Variants in PCDH15 observed in about 807,000 individuals in gnomAD.
PCDH15 encodes protocadherin-15.
PCDH15 carries 129 observed loss-of-function variants against 178.5 expected under a neutral mutation model. The ratio of observed to expected loss-of-function variants is 0.72; its 90% CI spans 0.63 to 0.84. The LOEUF is 0.84. Ranked by LOEUF, PCDH15 falls within the 40% of genes least tolerant of loss-of-function variation. The pLI, the probability that PCDH15 is intolerant of heterozygous loss-of-function variation, is 0.00. For synonymous variants in PCDH15, 800 were observed against 732.0 expected, an observed-to-expected ratio of 1.09 and a Z score of -1.50; for missense variants, 2,230 against 2,099.9, an observed-to-expected ratio of 1.06 and a Z score of -1.21.
chr10:54,250,089 T>G (rs192571446), intron 8 of PCDH15, among the ~76,000 whole-genome samples: 4,300 of 150,734 alleles, frequency 0.029, 74 homozygotes, highest in South Asian at 0.074. Context: ...TTTTTTTTTT[T>G]TGTATTATTG....
chr10:55,454,703 T>C (rs1839512644), intron 2 of PCDH15, among the ~76,000 whole-genome samples: 1 of 148,618 alleles, frequency 6.7e-6, no homozygotes. Flanking sequence ...GAGAACGGTA[T>C]GAACCCAGGA....
Position 54,269,136 on chromosome 10 carries a change from C to T in PCDH15, c.877-32205G>A, listed in dbSNP as rs531207485. 4.0e-4 allele frequency among the ~76,000 whole-genome samples: 61 copies of T among 151,874 alleles called. No individual in the cohort carries two copies. The South Asian group carries it at 0.012, about 29-fold the overall frequency. On this transcript the variant is annotated intron_variant, in intron 8 of 37. Transcript: ENST00000644397. ...TTTAATCTGGAGAATATATATGAAA[C>T]ATATTCAATTAATTCAAGTTGTTGT...
chr10:55,178,627 G>C (rs1839558725), intron 1 of PCDH15, among the ~76,000 whole-genome samples: 1 of 152,104 alleles, frequency 6.6e-6, no homozygotes, highest in African/African-American at 2.4e-5. Flanking sequence ...TATTATACTA[G>C]AGTAAAGGCC....
At chr10:55,542,610 T>C (rs546799092) in intron 2 of PCDH15, among the ~76,000 whole-genome samples, 59 of 147,982 alleles carry the variant, frequency 4.0e-4, no homozygotes, top group African/African-American at 1.4e-3. Context: ...TACAGACATA[T>C]GTATGTGTCT....
At chr10:54,495,765 C>T (rs1309174847) in intron 3 of PCDH15, among the ~76,000 whole-genome samples, 1 of 152,134 alleles carries the variant, frequency 6.6e-6, no homozygotes. Flanking sequence ...GTGTCCAAAA[C>T]TTTAGTTTTC....
chr10:55,593,200 G>A (rs1181043460), intron 2 of PCDH15, among the ~76,000 whole-genome samples: 2 of 151,974 alleles, frequency 1.3e-5, no homozygotes, highest in East Asian at 1.9e-4. Flanking sequence ...AAACTGGTAT[G>A]TTATTAAAGA....
Position 53,857,162 on chromosome 10 carries a change from C to T in PCDH15, c.3806+13G>A, listed in dbSNP as rs748886582. On this transcript the variant is annotated intron_variant, in intron 28 of 37. Transcript: ENST00000644397. ...ATATAAAAATAAATATATAAGGAGACAAAATCAATTACTCTGTAAGATCTT... is the reference window on the plus strand; with the variant it reads ...ATATAAAAATAAATATATAAGGAGATAAAATCAATTACTCTGTAAGATCTT... The T allele has an allele frequency of 6.5e-6, 10 of 1,549,148 alleles. No individual in the cohort carries two copies. The highest frequency in any genetic ancestry group is 8.0e-6 in the Non-Finnish European group (9 of 1,123,152).
intron 2 of PCDH15, among the ~76,000 whole-genome samples, chr10:55,333,113 T>C (rs1164405893): frequency 2.0e-5 from 3 of 152,174 alleles, no homozygotes; most frequent in Non-Finnish European, 2.9e-5. Context: ...ATGTGGTAAT[T>C]TGGAGTGTAT....
chr10:54,218,542 T>C (rs867010102), intron 9 of PCDH15, among the ~76,000 whole-genome samples: 5 of 151,138 alleles, frequency 3.3e-5, no homozygotes, highest in Non-Finnish European at 7.3e-5. Flanking sequence ...CCTCTCTCTC[T>C]GTCCAAGGGC....
intron 1 of PCDH15, among the ~76,000 whole-genome samples, chr10:54,687,962 C>T (rs2095044702): frequency 1.3e-5 from 2 of 151,940 alleles, no homozygotes; most frequent in African/African-American, 4.8e-5. Flanking sequence ...ATCTGCCAAA[C>T]AACATTATGT....
intron 2 of PCDH15, among the ~76,000 whole-genome samples, chr10:54,970,377 A>G (rs1050949509): frequency 1.3e-5 from 2 of 152,212 alleles, no homozygotes; most frequent in African/African-American, 4.8e-5. Flanking sequence ...GGTGATAGCT[A>G]CAGGTTGAAC....
intron 2 of PCDH15, among the ~76,000 whole-genome samples, chr10:54,545,516 T>C (rs1425031406): frequency 6.6e-6 from 1 of 151,944 alleles, no homozygotes; most frequent in Non-Finnish European, 1.5e-5. Context: ...AATTTTGGTG[T>C]AGCTATAAGT....
intron 2 of PCDH15, among the ~76,000 whole-genome samples, chr10:55,610,534 G>A (rs1341350206): frequency 6.6e-6 from 1 of 152,030 alleles, no homozygotes; most frequent in Admixed American, 6.6e-5. Flanking sequence ...GGATAAGTAC[G>A]AGTCATTTCA....
chr10:54,344,541 T>C (rs577609622), intron 6 of PCDH15, among the ~76,000 whole-genome samples: 152 of 152,268 alleles, frequency 1.0e-3, no homozygotes, highest in Non-Finnish European at 1.9e-3. Flanking sequence ...CTAAAAAACA[T>C]GGACTAGTCA....
At chr10:54,134,528 T>C (rs1056781885) in intron 14 of PCDH15, among the ~76,000 whole-genome samples, 2 of 151,238 alleles carry the variant, frequency 1.3e-5, no homozygotes, top group African/African-American at 4.9e-5. Flanking sequence ...CCGAGGCAGG[T>C]GGATCATGCG....
chr10:54,046,259 G>A (rs796823604), intron 18 of PCDH15, among the ~76,000 whole-genome samples: 8 of 152,186 alleles, frequency 5.3e-5, no homozygotes, highest in South Asian at 2.1e-4. Context: ...AAACAATTTC[G>A]CATTTCCAAC....
At chr10:54,050,322 A>G (rs1369875802) in intron 18 of PCDH15, among the ~76,000 whole-genome samples, 1 of 152,054 alleles carries the variant, frequency 6.6e-6, no homozygotes, top group Non-Finnish European at 1.5e-5. Context: ...TATCCATTTC[A>G]TCTACATTTT....
intron 14 of PCDH15, among the ~76,000 whole-genome samples, chr10:54,148,459 A>T (rs2044200601): frequency 6.6e-6 from 1 of 152,088 alleles, no homozygotes; most frequent in African/African-American, 2.4e-5. Context: ...AATAGTTGTT[A>T]TACTGTAGTT....
chr10:54,607,806 G>C (rs1471378961), intron 2 of PCDH15: 1 of 512,848 alleles, frequency 1.9e-6, no homozygotes. Context: ...ATAGATATAT[G>C]AAGAATGATG....
Sources: allele counts gnomAD v4.1 joint callset (sites outside exome capture counted in the v4.1 genomes callset), GRCh38; gene constraint gnomAD v4.1.1; transcripts MANE v1.5; gene names NCBI Gene and HGNC (gene_info 2026-07-23, HGNC 2026-07-21).